Variants in ABCC4 observed in about 807,000 individuals in gnomAD.
The protein encoded by ABCC4 is ATP-binding cassette sub-family C member 4.
In ABCC4, 102 loss-of-function variants were observed where a neutral mutation model predicts 168.5. The observed-to-expected ratio is 0.61, with a 90% CI of 0.52 to 0.71. The LOEUF (loss-of-function observed/expected upper bound fraction) is 0.71, where lower values mean the gene tolerates loss of function less well. Ranked by LOEUF, ABCC4 falls within the 30% of genes least tolerant of loss-of-function variation. ABCC4 has a pLI of 0.00. For missense variants in ABCC4, 1,402 were observed against 1,605.8 expected, an observed-to-expected ratio of 0.87 and a Z score of 2.17; for synonymous variants, 617 against 590.7, an observed-to-expected ratio of 1.04 and a Z score of -0.65.
At chr13:95,046,795 C>T (rs2032599050) in intron 27 of ABCC4, among the ~76,000 whole-genome samples, 1 of 151,846 alleles carries the variant, frequency 6.6e-6, no homozygotes, top group African/African-American at 2.4e-5. Context: ...TGTGAAGGCC[C>T]TCTGTAGTGT....
intron 1 of ABCC4, among the ~76,000 whole-genome samples, chr13:95,278,369 G>T (rs1287399983): frequency 5.3e-5 from 8 of 152,082 alleles, no homozygotes; most frequent in Non-Finnish European, 1.2e-4. Context: ...CTTAATAGTG[G>T]CAGTGTGATA....
At chr13:95,048,225 G>T (rs914589516) in intron 27 of ABCC4, among the ~76,000 whole-genome samples, 5 of 152,162 alleles carry the variant, frequency 3.3e-5, no homozygotes, top group African/African-American at 1.2e-4. Flanking sequence ...AATAAAGGTT[G>T]TAATTTCAGG....
chr13:95,291,132 T>C (rs1210222344), intron 1 of ABCC4, among the ~76,000 whole-genome samples: 1 of 151,778 alleles, frequency 6.6e-6, no homozygotes, highest in Non-Finnish European at 1.5e-5. Context: ...GGCAGGTGGA[T>C]CACTTGAGCT....
intron 15 of ABCC4, among the ~76,000 whole-genome samples, chr13:95,165,828 CG>C (rs1048376678): frequency 1.3e-5 from 2 of 152,128 alleles, no homozygotes; most frequent in African/African-American, 4.8e-5. Flanking sequence ...AAAGAGAAGT[CG>C]GGGGCCACCA....
chr13:95,098,991 G>T (rs1445002483), intron 20 of ABCC4, among the ~76,000 whole-genome samples: 1 of 152,098 alleles, frequency 6.6e-6, no homozygotes, highest in Non-Finnish European at 1.5e-5. Context: ...TTTTTAAAGT[G>T]AACTTTACGA....
At chr13:95,240,869 G>A (rs1477470445) in intron 3 of ABCC4, among the ~76,000 whole-genome samples, 3 of 151,972 alleles carry the variant, frequency 2.0e-5, no homozygotes, top group African/African-American at 7.3e-5. Flanking sequence ...TATTCGGGAG[G>A]CTGAGGCAGA....
chr13:95,188,499 C>T lies in ABCC4; in HGVS notation c.1307G>A (p.Arg436Lys). 6.2e-7 allele frequency: 1 copy of T among 1,614,140 alleles called. No individual in the cohort carries two copies. Among genetic ancestry groups the T allele is most frequent in the Non-Finnish European group, 8.5e-7 (1 of 1,179,996 alleles). ...GACCACAGCTAACAATTCGCCAGGTCTGACAGTAAAGGAAAGGCCTTGTAG... is the reference window on the plus strand; with the variant it reads ...GACCACAGCTAACAATTCGCCAGGTTTGACAGTAAAGGAAAGGCCTTGTAG... ...PTLQGLSFTVRPGELLAVVGP... is the reference protein window; with the variant it reads ...PTLQGLSFTVKPGELLAVVGP... The change falls in exon 10 of 31, where the codon AGA becomes AAA. Residue 436 changes from arginine to lysine, a missense_variant. By Grantham distance (26) the Arg-to-Lys change is conservative. Coordinates refer to ENST00000645237, the MANE Select transcript of ABCC4 (RefSeq NM_005845.5).
chr13:95,261,882 G>A (rs974678514), intron 1 of ABCC4, among the ~76,000 whole-genome samples: 1 of 151,428 alleles, frequency 6.6e-6, no homozygotes, highest in African/African-American at 2.4e-5. Flanking sequence ...GGGATCTCTT[G>A]AGCCCAAATG....
At chr13:95,167,258 T>G (rs2037312222) in intron 14 of ABCC4, among the ~76,000 whole-genome samples, 1 of 152,052 alleles carries the variant, frequency 6.6e-6, no homozygotes, top group South Asian at 2.1e-4. Flanking sequence ...AACTGAAAAT[T>G]CGACATTCCA....
chr13:95,163,763 G>T, intron 16 of ABCC4, 116 bp from the exon 17 acceptor site: 1 of 855,728 alleles, frequency 1.2e-6, no homozygotes, highest in Non-Finnish European at 1.9e-6. Context: ...CGGGCGTGGT[G>T]GCTCATGCTT....
At chr13:95,287,495 C>A (rs2041289012) in intron 1 of ABCC4, among the ~76,000 whole-genome samples, 1 of 148,200 alleles carries the variant, frequency 6.7e-6, no homozygotes. Flanking sequence ...GCTGAGACAG[C>A]AGAATCGTTT....
chr13:95,252,958 T>A (rs1449653560), intron 1 of ABCC4, among the ~76,000 whole-genome samples: 2 of 152,246 alleles, frequency 1.3e-5, no homozygotes, highest in Non-Finnish European at 2.9e-5. Flanking sequence ...AATTCAACAC[T>A]TATTTTAAAC....
intron 1 of ABCC4, among the ~76,000 whole-genome samples, chr13:95,267,455 C>T (rs545224680): frequency 1.3e-5 from 2 of 152,320 alleles, no homozygotes; most frequent in Admixed American, 1.3e-4. Context: ...CTTTTGTACA[C>T]TGCCCAGTCT....
intron 1 of ABCC4, among the ~76,000 whole-genome samples, chr13:95,285,584 G>A (rs186653027): frequency 2.6e-4 from 39 of 152,232 alleles, no homozygotes; most frequent in African/African-American, 8.9e-4. Flanking sequence ...CATATCCTCT[G>A]AATAATGGAC....
chr13:95,176,699 C>T lies in ABCC4; in HGVS notation c.1727+1008G>A, dbSNP rs556087669. Among the ~76,000 whole-genome samples, 13 of 152,266 alleles carry T rather than the reference C, an allele frequency of 8.5e-5. No individual in the cohort carries two copies. The South Asian group carries it at 1.2e-3, about 15-fold the overall frequency. On this transcript the variant is annotated intron_variant, in intron 13 of 30. Coordinates refer to ENST00000645237, the MANE Select transcript of ABCC4 (RefSeq NM_005845.5). ...GTGGCTGACTGCCCTCCTCTGCAAG[C>T]GAAGATGTTTCATGCAGTAGCATCT...
Position 95,212,239 on chromosome 13 carries a change from A to G in ABCC4, c.532-1458T>C, listed in dbSNP as rs115659600. On this transcript the variant is annotated intron_variant, in intron 4 of 30. Transcript: ENST00000645237. The stretch of plus-strand genomic sequence containing the variant: ...TGAATCAATCGTAAAATACAAAGAA[A>G]GAAGAAAATGTAGGAGTGAGGGAGA... Among the ~76,000 whole-genome samples the G allele has an allele frequency of 2.5e-3, 377 of 152,216 alleles. 1 individual carries two copies. Among genetic ancestry groups the G allele is most frequent in the African/African-American group, 8.7e-3 (361 of 41,530 alleles).
rs775847807 is a variant in ABCC4, at chr13:95,074,304, T to C, written c.2827A>G (p.Thr943Ala). 2 of 1,613,242 alleles carry C rather than the reference T, an allele frequency of 1.2e-6. No individual in the cohort carries two copies. The highest frequency in any genetic ancestry group is 1.1e-5 in the South Asian group (1 of 90,822). The stretch of plus-strand genomic sequence containing the variant: ...CGGACGGCAAACCAGCGGGACGTTG[T>C]CAAAAACAAGAACCAAGCCTCTGAA... Reference protein sequence around the residue: ...LHSEAWFLFLTTSRWFAVRLD... With the variant: ...LHSEAWFLFLATSRWFAVRLD... Residue 943 changes from threonine to alanine, a missense_variant, in exon 23 of 31, where the codon ACA becomes GCA. Thr to Ala is a moderately conservative substitution (Grantham distance 58, BLOSUM62 0). Around this residue, in one of 3 missense-constraint regions of ABCC4, gnomAD observed 1,007 missense variants for 1,127.3 expected, o/e 0.89. Transcript: ENST00000645237.
intron 30 of ABCC4, among the ~76,000 whole-genome samples, chr13:95,027,788 G>T (rs1302061100): frequency 6.6e-6 from 1 of 151,954 alleles, no homozygotes; most frequent in Non-Finnish European, 1.5e-5. Context: ...AAGGTAAAAA[G>T]GAATACTAAA....
At chr13:95,040,199 G>C (rs1566364289) in intron 29 of ABCC4, among the ~76,000 whole-genome samples, 1 of 152,178 alleles carries the variant, frequency 6.6e-6, no homozygotes, top group Admixed American at 6.5e-5. Flanking sequence ...CTTCCCCAAA[G>C]CTCTGCAATT....
Sources: allele counts gnomAD v4.1 joint callset (sites outside exome capture counted in the v4.1 genomes callset), GRCh38; gene constraint gnomAD v4.1.1; regional missense constraint gnomAD v4.1.1; transcripts MANE v1.5; gene names NCBI Gene and HGNC (gene_info 2026-07-23, HGNC 2026-07-21).